The following NEGR1 variants were observed in gnomAD, a reference collection of about 807,000 sequenced individuals.
NEGR1 encodes the protein IgLON family member 4.
Under a neutral mutation model 40.9 loss-of-function variants are expected in NEGR1, and 10 were observed. The ratio of observed to expected loss-of-function variants is 0.24; its 90% CI spans 0.15 to 0.42. The LOEUF (loss-of-function observed/expected upper bound fraction) is 0.42, where lower values mean the gene tolerates loss of function less well. Ranked by LOEUF, NEGR1 falls within the 10% of genes least tolerant of loss-of-function variation. NEGR1 has a pLI of 1.00. For synonymous variants in NEGR1, 185 were observed against 166.8 expected, an observed-to-expected ratio of 1.11 and a Z score of -0.84; for missense variants, 352 against 438.9, an observed-to-expected ratio of 0.80 and a Z score of 1.77.
rs1418698097 is a variant in NEGR1 at position 71,692,461 on chromosome 1, T to C, written c.667+5547A>G. On this transcript the variant is annotated intron_variant, in intron 4 of 6. Coordinates refer to ENST00000357731, the MANE Select transcript of NEGR1 (RefSeq NM_173808.3). ...TTCTTCTAGTCCCATGATAGTGCCT[T>C]TGCCCTACTCAAACTTTGAACACCG... 3.3e-5 allele frequency among the ~76,000 whole-genome samples: 5 copies of C among 151,830 alleles called. No homozygotes were observed. The East Asian group carries it at 7.7e-4, about 24-fold the overall frequency.
chr1:71,935,508 GTTTT>G, intron 1 of NEGR1, among the ~76,000 whole-genome samples, 197 bp from the exon 2 acceptor site: 1 of 142,748 alleles, frequency 7.0e-6, no homozygotes, highest in Middle Eastern at 3.5e-3. Flanking sequence ...CTTGTGTACA[GTTTT>G]TTTAAGTGTG....
intron 6 of NEGR1, among the ~76,000 whole-genome samples, chr1:71,423,874 A>G (rs17091200): frequency 0.056 from 8,052 of 143,898 alleles, 705 homozygotes; most frequent in African/African-American, 0.19. Flanking sequence ...CATTTTGAGT[A>G]TAAAGAATTA....
intron 1 of NEGR1, among the ~76,000 whole-genome samples, chr1:72,047,824 CTT>C (rs1348110230): frequency 1.3e-5 from 2 of 151,662 alleles, no homozygotes; most frequent in Admixed American, 6.6e-5. Context: ...ACACTCAAGA[CTT>C]TTAATTTTTA....
At chr1:71,799,021 G>A (rs1657447871) in intron 2 of NEGR1, among the ~76,000 whole-genome samples, 1 of 151,600 alleles carries the variant, frequency 6.6e-6, no homozygotes, top group Admixed American at 6.6e-5. Flanking sequence ...TTGAGGGTAG[G>A]GGAAAAGATC....
chr1:71,522,793 G>A (rs1285830082), intron 6 of NEGR1, among the ~76,000 whole-genome samples: 1 of 150,114 alleles, frequency 6.7e-6, no homozygotes, highest in Non-Finnish European at 1.5e-5. Flanking sequence ...TAACAGTAAA[G>A]GTACAGACTC....
At chr1:72,071,960 A>T (rs1389067298) in intron 1 of NEGR1, among the ~76,000 whole-genome samples, 2 of 152,136 alleles carry the variant, frequency 1.3e-5, no homozygotes, top group Non-Finnish European at 2.9e-5. Flanking sequence ...ATTTTAGAAA[A>T]AGTCCAAACT....
intron 1 of NEGR1, among the ~76,000 whole-genome samples, chr1:72,280,289 G>T (rs1656198795): frequency 1.3e-5 from 2 of 152,130 alleles, no homozygotes; most frequent in South Asian, 4.1e-4. Flanking sequence ...ACTAACCATA[G>T]TATTTATTAA....
At chr1:72,025,623 C>T (rs1011551954) in intron 1 of NEGR1, among the ~76,000 whole-genome samples, 1 of 152,096 alleles carries the variant, frequency 6.6e-6, no homozygotes, top group African/African-American at 2.4e-5. Context: ...GTTAAACAAG[C>T]ACATGATGGA....
intron 1 of NEGR1, among the ~76,000 whole-genome samples, chr1:72,080,853 G>A (rs1375466755): frequency 2.0e-5 from 3 of 152,160 alleles, no homozygotes; most frequent in African/African-American, 7.2e-5. Context: ...CTGGATGAAC[G>A]AAGAAAAGCT....
chr1:72,001,399 G>A (rs1324964112), intron 1 of NEGR1, among the ~76,000 whole-genome samples: 1 of 151,686 alleles, frequency 6.6e-6, no homozygotes, highest in Non-Finnish European at 1.5e-5. Flanking sequence ...TTGAAATGTA[G>A]AATATCAGGC....
chr1:71,896,798 A>G (rs1402268045), intron 2 of NEGR1, among the ~76,000 whole-genome samples: 1 of 152,180 alleles, frequency 6.6e-6, no homozygotes, highest in Non-Finnish European at 1.5e-5. Context: ...ACATTTGTTG[A>G]AAAGGCTATC....
At chr1:72,211,294 T>G (rs1653597827) in intron 1 of NEGR1, among the ~76,000 whole-genome samples, 1 of 151,780 alleles carries the variant, frequency 6.6e-6, no homozygotes, top group African/African-American at 2.4e-5. Flanking sequence ...CCTATCCCAC[T>G]CATTTACATG....
At chr1:71,571,817 T>C (rs577368129) in intron 6 of NEGR1, among the ~76,000 whole-genome samples, 1 of 146,086 alleles carries the variant, frequency 6.8e-6, no homozygotes, top group African/African-American at 2.5e-5. Flanking sequence ...AAATCTGAAA[T>C]TTGAGCTCAT....
intron 2 of NEGR1, among the ~76,000 whole-genome samples, chr1:71,917,157 T>C (rs1240224571): frequency 6.6e-6 from 1 of 152,198 alleles, no homozygotes; most frequent in African/African-American, 2.4e-5. Flanking sequence ...TGTCACGCTA[T>C]AGTGATGCTT....
chr1:72,078,727 C>T (rs1323909745), intron 1 of NEGR1, among the ~76,000 whole-genome samples: 2 of 150,142 alleles, frequency 1.3e-5, no homozygotes, highest in South Asian at 2.1e-4. Flanking sequence ...GTAATCTCTG[C>T]CTCCTGGGTT....
intron 1 of NEGR1, among the ~76,000 whole-genome samples, chr1:72,096,834 G>T (rs1219872417): frequency 6.6e-6 from 1 of 151,662 alleles, no homozygotes; most frequent in African/African-American, 2.4e-5. Context: ...CTATTTTTTT[G>T]TATTTTTTGT....
intron 1 of NEGR1, among the ~76,000 whole-genome samples, chr1:72,180,633 A>G (rs959425906): frequency 6.6e-6 from 1 of 152,154 alleles, no homozygotes; most frequent in African/African-American, 2.4e-5. Context: ...AAATCACCCA[A>G]TTAAAAAATG....
At chr1:71,751,323 T>A (rs905481188) in intron 3 of NEGR1, among the ~76,000 whole-genome samples, 6 of 152,202 alleles carry the variant, frequency 3.9e-5, no homozygotes, top group Non-Finnish European at 7.3e-5. Context: ...TAGTGCTTAT[T>A]ATAGTTTAGA....
At chr1:71,557,734 C>T (rs1353947874) in intron 6 of NEGR1, among the ~76,000 whole-genome samples, 1 of 151,496 alleles carries the variant, frequency 6.6e-6, no homozygotes, top group African/African-American at 2.4e-5. Context: ...ATTATCATTG[C>T]AATTTTCAAT....
Sources: allele counts gnomAD v4.1 joint callset (sites outside exome capture counted in the v4.1 genomes callset), GRCh38; gene constraint gnomAD v4.1.1; transcripts MANE v1.5; gene names NCBI Gene and HGNC (gene_info 2026-07-23, HGNC 2026-07-21).